Variants in SPATA16 observed in about 807,000 individuals in gnomAD.
SPATA16 encodes the protein spermatogenesis associated 16, also known as spermatogenesis-associated protein 16.
SPATA16 carries 36 observed loss-of-function variants against 63.3 expected under a neutral mutation model. The observed-to-expected ratio is 0.57, with a 90% confidence interval of 0.44 to 0.75. SPATA16 has a LOEUF of 0.75. Among genes scored for constraint, SPATA16 ranks in the 30% least tolerant of loss-of-function variants. The probability of loss-of-function intolerance (pLI) is 0.00; values close to 1 mark genes in which losing one functional copy is unlikely to be tolerated. For synonymous variants in SPATA16, 203 were observed against 216.7 expected (o/e 0.94, Z 0.56); for missense variants, 646 against 679.3 (o/e 0.95, Z 0.54).
chr3:173,100,265 G>T lies in SPATA16; in HGVS notation c.612+16855C>A, dbSNP rs145926991. ...CTTTTGCTTAAGTGGATACTTGATT[G>T]CTGTTTTCATAACCCAAATAAGTAA... On this transcript the variant is annotated intron_variant, in intron 2 of 10. Transcript: ENST00000351008. Among the ~76,000 whole-genome samples the T allele has an allele frequency of 8.1e-4, 123 of 152,184 alleles. 1 individual carries two copies. The highest frequency in any genetic ancestry group is 3.4e-3 in the Middle Eastern group (1 of 294).
chr3:173,102,567 A>G (rs993823355), intron 2 of SPATA16, among the ~76,000 whole-genome samples: 4 of 152,008 alleles, frequency 2.6e-5, no homozygotes, highest in African/African-American at 7.2e-5. Flanking sequence ...AAACAACGAG[A>G]TCTCATGAGA....
chr3:172,992,057 T>G (rs1001520978), intron 4 of SPATA16, among the ~76,000 whole-genome samples: 1 of 152,112 alleles, frequency 6.6e-6, no homozygotes, highest in African/African-American at 2.4e-5. Flanking sequence ...ACCCTTGAAC[T>G]AGTTAATGGT....
chr3:173,029,406 G>GTTTTTTTTTTTTTT (rs57233262), intron 3 of SPATA16, among the ~76,000 whole-genome samples: 13 of 139,812 alleles, frequency 9.3e-5, no homozygotes, highest in African/African-American at 1.4e-4. Context: ...AGTAATCAGA[G>GTTTTTTTTTTTTTT]TTTTTTTTTT....
intron 3 of SPATA16, among the ~76,000 whole-genome samples, chr3:173,027,694 A>G (rs753754002): frequency 6.6e-6 from 1 of 151,124 alleles, no homozygotes. Flanking sequence ...TGGTAGCAGA[A>G]CTCCTCTTGG....
intron 6 of SPATA16, among the ~76,000 whole-genome samples, chr3:172,949,437 T>A (rs1733374811): frequency 6.6e-6 from 1 of 152,178 alleles, no homozygotes; most frequent in Non-Finnish European, 1.5e-5. Flanking sequence ...TAAAAAAATT[T>A]GTAATTCTGT....
At chr3:173,044,302 T>C (rs954663352) in intron 3 of SPATA16, among the ~76,000 whole-genome samples, 1 of 152,208 alleles carries the variant, frequency 6.6e-6, no homozygotes, top group South Asian at 2.1e-4. Flanking sequence ...CTATCTCTTG[T>C]CTTTATAGTG....
intron 2 of SPATA16, among the ~76,000 whole-genome samples, chr3:173,098,126 C>T (rs1737405633): frequency 6.6e-6 from 1 of 151,236 alleles, no homozygotes; most frequent in African/African-American, 2.4e-5. Flanking sequence ...TTCCACCAAT[C>T]CTTCATCCCA....
rs188752102 is a variant in SPATA16, at chr3:173,068,605, A to C, written c.613-19511T>G. 3.9e-3 allele frequency among the ~76,000 whole-genome samples: 599 copies of C among 152,298 alleles called. 5 individuals carry two copies. Among genetic ancestry groups the C allele is most frequent in the Non-Finnish European group, 6.3e-3 (430 of 68,028 alleles). ...CCTGAATGACCAGGGGGTTTTCAAG[A>C]AACTTAAAAGAAAATTGAAAAATTT... On this transcript the variant is annotated intron_variant, in intron 2 of 10. Transcript: ENST00000351008.
intron 10 of SPATA16, among the ~76,000 whole-genome samples, chr3:172,896,340 C>T (rs373989525): frequency 1.0e-3 from 157 of 152,322 alleles, no homozygotes; most frequent in African/African-American, 3.6e-3. Context: ...TCTGCCTCAG[C>T]CTCCCGAGTA....
At chr3:172,949,005 T>A (rs1733362944) in intron 6 of SPATA16, among the ~76,000 whole-genome samples, 1 of 152,108 alleles carries the variant, frequency 6.6e-6, no homozygotes, top group Non-Finnish European at 1.5e-5. Flanking sequence ...TGCTGTAAAG[T>A]AAGAAGATAA....
chr3:173,052,057 C>T (rs114477662), intron 2 of SPATA16, among the ~76,000 whole-genome samples: 11,121 of 152,118 alleles, frequency 0.073, 577 homozygotes, highest in African/African-American at 0.15. Context: ...GTTATCCACT[C>T]GCCTAGGTCT....
chr3:172,962,448 G>GTAGCC (rs1297503442), intron 5 of SPATA16, among the ~76,000 whole-genome samples: 1 of 151,928 alleles, frequency 6.6e-6, no homozygotes, highest in Non-Finnish European at 1.5e-5. Context: ...GTTTGTTATA[G>GTAGCC]TAGCCTACCC....
At chr3:172,984,722 A>G (rs1377944190) in intron 4 of SPATA16, among the ~76,000 whole-genome samples, 2 of 152,190 alleles carry the variant, frequency 1.3e-5, no homozygotes, top group African/African-American at 2.4e-5. Context: ...CTGCAAGACT[A>G]TCAAGTAATT....
intron 2 of SPATA16, among the ~76,000 whole-genome samples, chr3:173,099,271 A>G (rs1737434239): frequency 1.3e-5 from 2 of 152,146 alleles, no homozygotes; most frequent in Admixed American, 6.6e-5. Flanking sequence ...AGAGAGAGAG[A>G]GAAAGAGAGA....
intron 3 of SPATA16, among the ~76,000 whole-genome samples, chr3:173,046,919 A>T (rs1735970703): frequency 1.3e-5 from 2 of 151,964 alleles, no homozygotes; most frequent in African/African-American, 4.8e-5. Context: ...ACCTTTATTG[A>T]TTTACATTTC....
intron 1 of SPATA16, among the ~76,000 whole-genome samples, chr3:173,129,087 A>G (rs1224802906): frequency 6.6e-6 from 1 of 152,258 alleles, no homozygotes; most frequent in Non-Finnish European, 1.5e-5. Context: ...TCACTCATCC[A>G]TTTAGTCAAT....
At chr3:172,945,675 A>G (rs1014812928) in intron 6 of SPATA16, among the ~76,000 whole-genome samples, 1 of 152,200 alleles carries the variant, frequency 6.6e-6, no homozygotes, top group Non-Finnish European at 1.5e-5. Context: ...GTCAGCACCC[A>G]TGGAGGGAGC....
chr3:173,034,150 G>A (rs950504877), intron 3 of SPATA16, among the ~76,000 whole-genome samples: 1 of 152,158 alleles, frequency 6.6e-6, no homozygotes, highest in African/African-American at 2.4e-5. Context: ...TTAAAGAAAA[G>A]AGCCAGAAAG....
chr3:173,057,733 T>C (rs993403438), intron 2 of SPATA16, among the ~76,000 whole-genome samples: 2 of 152,234 alleles, frequency 1.3e-5, no homozygotes, highest in African/African-American at 4.8e-5. Flanking sequence ...CAGATCCACA[T>C]TAAGTACAGA....
Sources: gnomAD v4.1 joint callset for allele counts (sites outside exome capture counted in the v4.1 genomes callset) on GRCh38, gnomAD v4.1.1 for gene constraint, MANE v1.5 for transcripts, NCBI Gene and HGNC (gene_info 2026-07-23, HGNC 2026-07-21) for gene names.